Variants in ARPC5L observed in about 807,000 individuals in gnomAD.
ARPC5L encodes actin related protein 2/3 complex subunit 5 like.
ARPC5L carries 4 observed loss-of-function variants against 16.9 expected under a neutral mutation model. The ratio of observed to expected loss-of-function variants is 0.24; its 90% CI spans 0.12 to 0.54. The LOEUF (loss-of-function observed/expected upper bound fraction) is 0.54. Among genes scored for constraint, ARPC5L ranks in the 20% least tolerant of loss-of-function variants. The pLI is 0.95. For missense variants in ARPC5L, 151 were observed against 201.9 expected (o/e 0.75, Z 1.53); for synonymous variants, 78 against 82.6 (o/e 0.94, Z 0.30).
intron 3 of ARPC5L, 25 bp downstream of exon 3, chr9:124,869,464 G>C (rs1243374867): frequency 1.4e-6 from 2 of 1,424,762 alleles, no homozygotes; most frequent in Non-Finnish European, 1.8e-6. Flanking sequence ...CGCGGCGTCC[G>C]GGCCTGCGCG....
intron 5 of ARPC5L, among the ~76,000 whole-genome samples, chr9:124,875,379 T>C (rs1829417745): frequency 6.6e-6 from 1 of 152,194 alleles, no homozygotes; most frequent in Non-Finnish European, 1.5e-5. Context: ...TAGCTGCCGA[T>C]TTATGTCAGG....
chr9:124,870,398 T>C (rs1290494380), intron 3 of ARPC5L, among the ~76,000 whole-genome samples: 2 of 152,068 alleles, frequency 1.3e-5, no homozygotes, highest in Non-Finnish European at 2.9e-5. Flanking sequence ...CCAGGAAGCC[T>C]GTCCCCTCCC....
At chr9:124,871,972 A>C (rs1356296188) in intron 3 of ARPC5L, among the ~76,000 whole-genome samples, 1 of 152,084 alleles carries the variant, frequency 6.6e-6, no homozygotes, top group East Asian at 1.9e-4. Context: ...CTGTTCTCTG[A>C]AAAGGCCTAA....
intron 2 of ARPC5L, among the ~76,000 whole-genome samples, chr9:124,868,197 C>T (rs1829298267): frequency 6.6e-6 from 1 of 151,978 alleles, no homozygotes; most frequent in Non-Finnish European, 1.5e-5. Context: ...AGACACAGTT[C>T]AATGAGAGGT....
Sources: gnomAD v4.1 joint callset for allele counts (sites outside exome capture counted in the v4.1 genomes callset) on GRCh38, gnomAD v4.1.1 for gene constraint, MANE v1.5 for transcripts, NCBI Gene and HGNC (gene_info 2026-07-23, HGNC 2026-07-21) for gene names.